Variants in MYH7B observed in about 807,000 individuals in gnomAD.
MYH7B encodes myosin heavy chain 7B.
A neutral mutation model predicts 234.5 loss-of-function variants in MYH7B; 205 were observed. The ratio of observed to expected loss-of-function variants is 0.87; its 90% confidence interval spans 0.78 to 0.98. The LOEUF (loss-of-function observed/expected upper bound fraction) is 0.98, where lower values mean the gene tolerates loss of function less well. Ranked by LOEUF, MYH7B falls within the 50% of genes least tolerant of loss-of-function variation. MYH7B has a pLI of 0.00. For missense variants in MYH7B, 2,652 were observed against 2,633.4 expected, an observed-to-expected ratio of 1.01 and a Z score of -0.15; for synonymous variants, 1,193 against 1,105.0, an observed-to-expected ratio of 1.08 and a Z score of -1.58.
intron 2 of MYH7B, among the ~76,000 whole-genome samples, chr20:34,960,253 T>C (rs1223638346): frequency 6.6e-6 from 1 of 152,200 alleles, no homozygotes; most frequent in Non-Finnish European, 1.5e-5. Flanking sequence ...TTTGTTTTTT[T>C]GAGATGGAGT....
Position 34,981,357 on chromosome 20 carries a change from T to C in MYH7B, c.527+297T>C, listed in dbSNP as rs545750329. 1.0e-3 allele frequency: 376 copies of C among 371,094 alleles called. 2 individuals are homozygous for C. Among genetic ancestry groups the C allele is most frequent in the African/African-American group, 7.3e-3 (342 of 46,840 alleles). The allele number at this position is 371,094 out of a possible 1,614,324, so 23.0% of individuals were successfully genotyped here. A position where few individuals can be genotyped will look rare whatever the true frequency, so the allele number is the denominator to read the frequency against. On this transcript the variant is annotated intron_variant, in intron 9 of 44. Coordinates refer to ENST00000262873, the Ensembl canonical transcript of MYH7B. ...CTCCCACCTTGATCCTCTGGGGTTC[T>C]AATTCTGGCTCAGGGGCAGCGGAAA...
intron 27 of MYH7B, 29 bp downstream of exon 27, chr20:34,994,430 C>T (rs780201007): frequency 3.2e-6 from 5 of 1,541,562 alleles, no homozygotes; most frequent in South Asian, 2.5e-5. Flanking sequence ...TGTGACCGGG[C>T]GTCCCCAGCC....
Position 34,986,990 on chromosome 20 carries a change from G to A in MYH7B, c.1008+1G>A, listed in dbSNP as rs200920118. The A allele has an allele frequency of 3.7e-5, 60 of 1,612,826 alleles. No homozygotes were observed. Among genetic ancestry groups the A allele is most frequent in the Non-Finnish European group, 4.8e-5 (57 of 1,179,186 alleles). On this transcript the variant is annotated splice_donor_variant, in intron 15 of 44. Transcript: ENST00000262873. LOFTEE classifies it high-confidence loss of function. ...TGGGGAGGAGCTCATCGCCACCGAC[G>A]TATGAGCTCTGGTGGGAGGGGAGCT...
intron 2 of MYH7B, among the ~76,000 whole-genome samples, chr20:34,960,179 TTG>T (rs2081679802): frequency 6.6e-6 from 1 of 152,184 alleles, no homozygotes. Flanking sequence ...TCCCTTAATT[TTG>T]TGTCTTGCCT....
At chr20:34,980,524 C>A in intron 7 of MYH7B, 54 bp from the exon 8 acceptor site, 2 of 1,467,400 alleles carry the variant, frequency 1.4e-6, no homozygotes, top group Non-Finnish European at 1.9e-6. Flanking sequence ...GGAGACAGAG[C>A]AAGACTCCAT....
At chr20:34,993,581 T>A in intron 26 of MYH7B, 111 bp downstream of exon 26, 1 of 1,255,444 alleles carries the variant, frequency 8.0e-7, no homozygotes, top group Non-Finnish European at 1.1e-6. Context: ...TCAGCCCCTG[T>A]GGCTGGTTGG....
chr20:34,967,045 A>T (rs571723991), intron 2 of MYH7B, among the ~76,000 whole-genome samples: 1 of 151,646 alleles, frequency 6.6e-6, no homozygotes, highest in Non-Finnish European at 1.5e-5. Context: ...CCTAGCCAAC[A>T]TAGTGAAACC....
chr20:34,983,298 C>CTTTTTT (rs57589264), intron 10 of MYH7B, among the ~76,000 whole-genome samples: 12 of 71,648 alleles, frequency 1.7e-4, no homozygotes, highest in East Asian at 6.1e-4. Context: ...CTTTTCTTTT[C>CTTTTTT]TTTTTTTTTT....
At chr20:34,989,712 T>C (rs1384866921) in intron 19 of MYH7B, 28 bp from the exon 20 acceptor site, 3 of 1,603,094 alleles carry the variant, frequency 1.9e-6, no homozygotes, top group South Asian at 2.2e-5. Context: ...GGCTTGATGG[T>C]GGCTTTTCAA....
At chr20:34,979,286 T>C in intron 5 of MYH7B, 104 bp from the exon 6 acceptor site, 1 of 840,778 alleles carries the variant, frequency 1.2e-6, no homozygotes, top group South Asian at 1.9e-5. Flanking sequence ...AGAGGGGCTT[T>C]GGGGAGGGTC....
chr20:34,980,260 C>CT (rs1199451709), intron 7 of MYH7B: 3 of 341,344 alleles, frequency 8.8e-6, no homozygotes, highest in Non-Finnish European at 1.6e-5. Context: ...AAAACCCTAC[C>CT]TATGGGGGGA....
At chr20:34,998,344 CCAAGAT>C (rs1354591534) in exon 33 of MYH7B, 1 of 1,613,864 alleles carries the variant, frequency 6.2e-7, no homozygotes, top group Non-Finnish European at 8.5e-7. Flanking sequence ...CTAAGCGAGG[CCAAGAT>C]CAAGGTGGAG....
chr20:34,994,260 G>A (rs771011896), exon 27 of MYH7B: 9 of 1,612,908 alleles, frequency 5.6e-6, no homozygotes, highest in South Asian at 2.2e-5. Flanking sequence ...CGCAGGCTGA[G>A]GAGGAGCTGG....
intron 2 of MYH7B, among the ~76,000 whole-genome samples, chr20:34,973,432 C>T (rs1187800853): frequency 6.6e-6 from 1 of 152,162 alleles, no homozygotes; most frequent in Admixed American, 6.6e-5. Context: ...GAAGAAATTC[C>T]AGGCATTGGG....
At chr20:34,984,864 A>C in exon 12 of MYH7B, 1 of 1,613,952 alleles carries the variant, frequency 6.2e-7, no homozygotes, top group South Asian at 1.1e-5. Context: ...GGCACCCTTG[A>C]GGATCAAATC....
chr20:34,990,489 G>T (rs2082124244), intron 22 of MYH7B, 179 bp downstream of exon 22: 1 of 909,398 alleles, frequency 1.1e-6, no homozygotes, highest in South Asian at 1.3e-5. Flanking sequence ...TACGCTGCCT[G>T]GGCAGGGTTT....
chr20:34,985,709 G>A (rs562990089), intron 13 of MYH7B, among the ~76,000 whole-genome samples: 2 of 152,250 alleles, frequency 1.3e-5, no homozygotes, highest in South Asian at 2.1e-4. Flanking sequence ...ATGAGCGCAG[G>A]CAGGCAGTGA....
Position 35,002,066 on chromosome 20 carries a change from G to A in MYH7B, c.5795G>A (p.Arg1932Gln), listed in dbSNP as rs200305739. The change falls in exon 44 of 45, where the codon CGG becomes CAG. Residue 1932 changes from arginine (R) to glutamine (Q), a missense_variant. Physicochemically the swap from Arg to Gln is conservative, Grantham distance 43. This residue lies in a region of MYH7B where 2,279 missense variants were observed against 2,211.4 expected (regional missense o/e 1.03). Coordinates refer to ENST00000262873, the Ensembl canonical transcript of MYH7B. ...GCCAACAAGCTGCGGGCACGGACCC[G>A]GGACGCCCTGGGCCCCAAGGTGAGG... 8.1e-6 allele frequency: 13 copies of A among 1,613,896 alleles called. No homozygotes were observed. The highest frequency in any genetic ancestry group is 6.7e-5 in the Admixed American group (4 of 60,012).
chr20:35,001,533 G>A lies in MYH7B; in HGVS notation c.5676+7G>A, dbSNP rs2082382270. ...GCGCCAGTTTGAGGAGGCGGTGAGT[G>A]CGCTGGGGCCTGGACACCTGGACCG... On this transcript the variant is annotated splice_region_variant and intron_variant, in intron 43 of 44. Coordinates refer to ENST00000262873, the Ensembl canonical transcript of MYH7B. 4 of 1,598,050 alleles carry A rather than the reference G, an allele frequency of 2.5e-6. No homozygotes were observed. Among genetic ancestry groups the A allele is most frequent in the Middle Eastern group, 1.7e-4 (1 of 5,794 alleles).
Sources: gnomAD v4.1 joint callset for allele counts (sites outside exome capture counted in the v4.1 genomes callset) on GRCh38, gnomAD v4.1.1 for gene constraint, gnomAD v4.1.1 regional missense constraint, MANE v1.5 for transcripts, NCBI Gene and HGNC (gene_info 2026-07-23, HGNC 2026-07-21) for gene names.